The following MME variants were observed in gnomAD, a reference collection of about 807,000 sequenced individuals.
The protein encoded by MME is membrane metalloendopeptidase.
In MME, 98 loss-of-function variants were observed where a neutral mutation model predicts 113.2. That is an observed-to-expected ratio of 0.87 (90% confidence interval 0.74 to 1.02). The LOEUF is 1.02. MME is among the 50% of genes least tolerant of loss of function. MME has a pLI of 0.00. For missense variants in MME, 836 were observed against 896.0 expected (o/e 0.93, Z 0.86); for synonymous variants, 292 against 300.6 (o/e 0.97, Z 0.30).
At chr3:155,078,649 ATGTGTGTGTATGTGTG>A (rs1309390267), upstream of MME, among the ~76,000 whole-genome samples, 1 of 130,690 alleles carries the variant, frequency 7.7e-6, no homozygotes, top group Non-Finnish European at 1.7e-5. Context: ...GAGTGTGAAT[ATGTGTGTGTATGTGTG>A]TGTGTGTGTG....
chr3:155,095,348 G>C (rs1034277387), intron 3 of MME, among the ~76,000 whole-genome samples: 1 of 152,128 alleles, frequency 6.6e-6, no homozygotes, highest in African/African-American at 2.4e-5. Context: ...AAGTTAGAGA[G>C]GAGTGAAGAC....
chr3:155,084,369 G>A lies in MME; in HGVS notation c.160+42G>A, dbSNP rs199508493. 3.4e-5 allele frequency: 54 copies of A among 1,602,410 alleles called. No individual in the cohort carries two copies. In the African/African-American group the frequency reaches 6.3e-4, roughly 19 times the overall value. ...CCTGTGCATCCATAAGTGCAAAAGA[G>A]AAGGAAATCTTCCTCCATGCTTTTA... is the stretch of plus-strand genomic sequence containing the variant. On this transcript the variant is annotated intron_variant, in intron 2 of 22. Coordinates refer to ENST00000360490, the MANE Select transcript of MME (RefSeq NM_007289.4).
chr3:155,106,582 T>C (rs1367785763), intron 3 of MME, among the ~76,000 whole-genome samples: 1 of 152,250 alleles, frequency 6.6e-6, no homozygotes, highest in Admixed American at 6.5e-5. Context: ...AATTGAATCC[T>C]TTGTGACCCG....
chr3:155,082,377 T>A (rs1715229468), intron 1 of MME, among the ~76,000 whole-genome samples: 1 of 152,244 alleles, frequency 6.6e-6, no homozygotes, highest in Admixed American at 6.5e-5. Flanking sequence ...ATTCAGGTGT[T>A]CTTTAGGACA....
chr3:155,151,483 TATC>T (rs1377838971), intron 16 of MME, among the ~76,000 whole-genome samples: 1 of 152,222 alleles, frequency 6.6e-6, no homozygotes, highest in Non-Finnish European at 1.5e-5. Flanking sequence ...CGACATCTTC[TATC>T]ATCATCATGT....
At chr3:155,115,470 C>A (rs548494990) in intron 4 of MME, among the ~76,000 whole-genome samples, 1 of 152,188 alleles carries the variant, frequency 6.6e-6, no homozygotes, top group African/African-American at 2.4e-5. Context: ...CTCTTGTCAC[C>A]CAGGCTGGAG....
intron 1 of MME, among the ~76,000 whole-genome samples, chr3:155,040,768 G>A (rs1315889252): frequency 6.6e-6 from 1 of 151,976 alleles, no homozygotes; most frequent in Non-Finnish European, 1.5e-5. Context: ...AATGCATCTG[G>A]AAAACTACTA....
intron 3 of MME, among the ~76,000 whole-genome samples, chr3:155,109,291 A>G (rs917376328): frequency 6.6e-6 from 1 of 152,138 alleles, no homozygotes; most frequent in Non-Finnish European, 1.5e-5. Context: ...AAGATGAGGA[A>G]GGGAGGTATT....
At chr3:155,152,318 A>T (rs79855245) in intron 16 of MME, among the ~76,000 whole-genome samples, 3,149 of 152,058 alleles carry the variant, frequency 0.021, 64 homozygotes, top group East Asian at 0.11. Flanking sequence ...ATTTCTCTTC[A>T]CCTTGGGCTG....
At chr3:155,100,926 G>A (rs375129642) in intron 3 of MME, among the ~76,000 whole-genome samples, 46 of 152,274 alleles carry the variant, frequency 3.0e-4, no homozygotes, top group African/African-American at 8.2e-4. Flanking sequence ...ATTTGTCCTC[G>A]CCCAAATCTC....
Position 155,151,185 on chromosome 3 carries a change from C to T in MME, c.1601+2532C>T, listed in dbSNP as rs553941132. 5.3e-5 allele frequency among the ~76,000 whole-genome samples: 8 copies of T among 152,264 alleles called. No individual in the cohort carries two copies. The East Asian group carries it at 1.5e-3, about 29-fold the overall frequency. ...AGACAGATAATTTCTGTTGCTTCTA[C>T]TTGTCCACATAGCCCGTAGTTACAT... On this transcript the variant is annotated intron_variant, in intron 16 of 22. Coordinates refer to ENST00000360490, the MANE Select transcript of MME (RefSeq NM_007289.4).
At position 155,172,705 on chromosome 3, in the gene MME, A is replaced by G. The variant is rs935701015; in HGVS notation, c.2153+93A>G. The G allele has an allele frequency of 7.7e-5, 74 of 960,134 alleles. No homozygotes were observed. The South Asian group carries it at 9.4e-4, about 12-fold the overall frequency. The allele number at this position is 960,134 out of a possible 1,614,324, so 59.5% of individuals were successfully genotyped here. On this transcript the variant is annotated intron_variant, in intron 22 of 22. Coordinates refer to ENST00000360490, the MANE Select transcript of MME (RefSeq NM_007289.4). ...AGACTTTTCTAACTCTGATTCTTTT[A>G]CATTTGGAAATTCAGTGCTTTTTTT... is the stretch of plus-strand genomic sequence containing the variant.
chr3:155,093,132 T>C (rs1201270631), intron 3 of MME, among the ~76,000 whole-genome samples: 5 of 152,130 alleles, frequency 3.3e-5, no homozygotes, highest in African/African-American at 4.8e-5. Flanking sequence ...AGTTATCTCA[T>C]GTTTTGATCT....
At chr3:155,166,075 T>C (rs1371840838) in intron 17 of MME, among the ~76,000 whole-genome samples, 9 of 152,216 alleles carry the variant, frequency 5.9e-5, no homozygotes, top group Admixed American at 5.9e-4. Context: ...GATCATTCAT[T>C]TATTTATCAT....
At chr3:155,165,635 T>C (rs1723037864) in intron 17 of MME, among the ~76,000 whole-genome samples, 1 of 152,120 alleles carries the variant, frequency 6.6e-6, no homozygotes, top group Non-Finnish European at 1.5e-5. Context: ...GAATAGATTG[T>C]AGTTGTGTGA....
At chr3:155,049,290 A>G (rs1258750747) in intron 1 of MME, among the ~76,000 whole-genome samples, 1 of 152,114 alleles carries the variant, frequency 6.6e-6, no homozygotes, top group African/African-American at 2.4e-5. Flanking sequence ...CCAAGAGAGT[A>G]CCCTTATAAG....
intron 3 of MME, among the ~76,000 whole-genome samples, chr3:155,101,946 A>G (rs1393938773): frequency 6.6e-6 from 1 of 152,218 alleles, no homozygotes; most frequent in African/African-American, 2.4e-5. Context: ...CTGATTTTGT[A>G]TGCCAACACA....
intron 1 of MME, among the ~76,000 whole-genome samples, chr3:155,066,785 C>A (rs1046779484): frequency 2.0e-5 from 3 of 152,142 alleles, no homozygotes; most frequent in Non-Finnish European, 2.9e-5. Flanking sequence ...AAGCCTGAGA[C>A]TAAGGACTGC....
rs867562780 is a variant in MME at position 155,042,915 on chromosome 3, T to C, written c.-11+18591T>C. Among the ~76,000 whole-genome samples, 48 of 45,384 alleles carry C rather than the reference T, an allele frequency of 1.1e-3. 2 individuals carry two copies. Among genetic ancestry groups the C allele is most frequent in the East Asian group, 6.8e-4 (1 of 1,468 alleles). 29.8% of individuals were successfully genotyped at this position (45,384 alleles called of 152,430 possible). A position where few individuals can be genotyped will look rare whatever the true frequency, so the allele number is the denominator to read the frequency against. On this transcript the variant is annotated intron_variant, in intron 1 of 22. Coordinates refer to the MME transcript ENST00000492661. Reference sequence around the variant, plus strand: ...ATAGTAGGTTTTATATATATATATATATATATATATATATATATATATATG... The same window carrying C: ...ATAGTAGGTTTTATATATATATATACATATATATATATATATATATATATG...
Sources: gnomAD v4.1 joint callset for allele counts (sites outside exome capture counted in the v4.1 genomes callset) on GRCh38, gnomAD v4.1.1 for gene constraint, MANE v1.5 for transcripts, NCBI Gene and HGNC (gene_info 2026-07-23, HGNC 2026-07-21) for gene names.